The following SDK2 variants were observed in gnomAD, a reference collection of about 807,000 sequenced individuals.
SDK2 encodes the protein protein sidekick-2.
SDK2 carries 105 observed loss-of-function variants against 253.9 expected under a neutral mutation model. The ratio of observed to expected loss-of-function variants is 0.41; its 90% CI spans 0.35 to 0.49. The LOEUF (loss-of-function observed/expected upper bound fraction) is 0.49, where lower values mean the gene tolerates loss of function less well. SDK2 is among the 20% of genes least tolerant of loss of function. SDK2 has a pLI of 0.06. For missense variants in SDK2, 2,608 were observed against 3,003.0 expected (o/e 0.87, Z 3.07); for synonymous variants, 1,249 against 1,234.9 (o/e 1.01, Z -0.24).
intron 1 of SDK2, among the ~76,000 whole-genome samples, chr17:73,543,917 A>G (rs1166325122): frequency 6.6e-6 from 1 of 152,220 alleles, no homozygotes; most frequent in Admixed American, 6.5e-5. Flanking sequence ...TCACTCAGAG[A>G]GAGATGCAAG....
At chr17:73,362,796 T>C (rs1054244413) in intron 38 of SDK2, among the ~76,000 whole-genome samples, 1 of 152,242 alleles carries the variant, frequency 6.6e-6, no homozygotes, top group South Asian at 2.1e-4. Flanking sequence ...TTGCACTCTG[T>C]GCTTCGCGAA....
chr17:73,521,975 AC>A (rs1170386354), intron 1 of SDK2, among the ~76,000 whole-genome samples: 9 of 152,116 alleles, frequency 5.9e-5, no homozygotes, highest in Non-Finnish European at 1.2e-4. Flanking sequence ...TCTTATTTGC[AC>A]CACACAGCAA....
Position 73,439,427 on chromosome 17 carries a change from A to G in SDK2, c.726-1273T>C, listed in dbSNP as rs150522533. 2.4e-3 allele frequency among the ~76,000 whole-genome samples: 366 copies of G among 152,286 alleles called. 12 individuals are homozygous for G. The East Asian group carries it at 0.063, about 26-fold the overall frequency. On this transcript the variant is annotated intron_variant, in intron 6 of 44. Transcript: ENST00000392650. The stretch of plus-strand genomic sequence containing the variant: ...TAGAAATGCTGCCAAAAATAACAAC[A>G]ACAACAAAAAAGGCTGGACACGGTG...
intron 29 of SDK2, 58 bp from the exon 30 acceptor site, chr17:73,388,095 C>T: frequency 8.1e-7 from 1 of 1,233,512 alleles, no homozygotes; most frequent in Non-Finnish European, 1.1e-6. Context: ...GTGGAGGGGG[C>T]TGGACTTTCT....
rs2063385039 is a variant in SDK2, at chr17:73,438,106, C to T, written c.774G>A (p.Leu258=). ...HIIWKKDGVL[L]SGGISDHNRR... ...GGTTGTGGTCACTGATGCCGCCCGA[C>T]AGCAATACCCCGTCCTTCTTCCAAA... Residue 258 remains leucine, a synonymous_variant, in exon 7 of 45, where the codon CTG becomes CTA. Coordinates refer to ENST00000392650, the MANE Select transcript of SDK2 (RefSeq NM_001144952.2). The T allele has an allele frequency of 1.3e-6, 2 of 1,551,580 alleles. No individual in the cohort carries two copies. Among genetic ancestry groups the T allele is most frequent in the East Asian group, 2.4e-5 (1 of 40,938 alleles).
In SDK2 at chr17:73,422,431, G is replaced by T. The variant is rs1358336715; in HGVS notation, c.1901C>A (p.Ala634Asp). 6.2e-7 allele frequency: 1 copy of T among 1,613,494 alleles called. No homozygotes were observed. Among genetic ancestry groups the T allele is most frequent in the African/African-American group, 1.3e-5 (1 of 74,896 alleles). Reference sequence around the variant, plus strand: ...ACTGGCCAGGAGTACAGTCCAGGGGGCATCTGCAGGGACAGTGAGTGGGGC... The same window carrying T: ...ACTGGCCAGGAGTACAGTCCAGGGGTCATCTGCAGGGACAGTGAGTGGGGC... ...RYILEMSENNAPWTVLLASVD... is the reference protein window; with the variant it reads ...RYILEMSENNDPWTVLLASVD... Residue 634 changes from alanine to aspartate, a missense_variant, in exon 15 of 45, where the codon GCC becomes GAC. By Grantham distance (126) the Ala-to-Asp change is moderately radical. Around this residue, in one of 2 missense-constraint regions of SDK2, gnomAD observed 1,505 missense variants for 1,859.1 expected, o/e 0.81. Transcript: ENST00000392650.
At position 73,379,266 on chromosome 17, in the gene SDK2, C is replaced by A; in HGVS notation, c.4891G>T (p.Val1631Phe). ...AVPTAAPRNV[V>F]VHGATATQLD... The stretch of plus-strand genomic sequence containing the variant: ...TGTGTGGCCGTGGCGCCGTGGACGA[C>A]CACGTTACGAGGTGCTGCTGTGGGC... The change falls in exon 36 of 45, where the codon GTC (valine) becomes TTC (phenylalanine). Residue 1631 changes from valine to phenylalanine, a missense_variant. Val to Phe is a conservative substitution (Grantham distance 50, BLOSUM62 -1). Around this residue, in one of 2 missense-constraint regions of SDK2, gnomAD observed 1,103 missense variants for 1,143.9 expected, o/e 0.96. Transcript: ENST00000392650. The surrounding 1 kb of genome is among the most constrained non-coding windows in gnomAD (Gnocchi z 4.5). 6.4e-7 allele frequency: 1 copy of A among 1,555,408 alleles called. No homozygotes were observed. The highest frequency in any genetic ancestry group is 8.7e-7 in the Non-Finnish European group (1 of 1,149,046).
intron 1 of SDK2, among the ~76,000 whole-genome samples, chr17:73,602,984 C>A (rs2045860574): frequency 6.6e-6 from 1 of 152,174 alleles, no homozygotes; most frequent in Non-Finnish European, 1.5e-5. Context: ...CTCAGCCTCC[C>A]AAAGTGTTGG....
At chr17:73,439,865 GGCCA>G (rs2063400395) in intron 6 of SDK2, among the ~76,000 whole-genome samples, 1 of 152,196 alleles carries the variant, frequency 6.6e-6, no homozygotes, top group Non-Finnish European at 1.5e-5. Flanking sequence ...ACGTTGGGCA[GGCCA>G]CTTGCCCTCT....
At chr17:73,355,184 T>TTTTTTTTTTC (rs2062580637) in intron 40 of SDK2, among the ~76,000 whole-genome samples, 3 of 44,774 alleles carry the variant, frequency 6.7e-5, no homozygotes, top group African/African-American at 5.6e-4. Flanking sequence ...ATTTTTTTTT[T>TTTTTTTTTTC]TTTTTTTTTT....
chr17:73,380,973 C>T (rs1449690412), intron 33 of SDK2, 23 bp from the exon 34 acceptor site: 6 of 604,324 alleles, frequency 9.9e-6, no homozygotes, highest in South Asian at 1.6e-5. Context: ...GGTGCCGGGG[C>T]GGGGGCGCAG....
At chr17:73,506,830 C>G (rs1599631892) in intron 2 of SDK2, among the ~76,000 whole-genome samples, 1 of 152,348 alleles carries the variant, frequency 6.6e-6, no homozygotes, top group East Asian at 1.9e-4. Context: ...TGCTGAGACC[C>G]TATTCTCTTT....
At chr17:73,552,842 A>G (rs1357285729) in intron 1 of SDK2, among the ~76,000 whole-genome samples, 2 of 152,020 alleles carry the variant, frequency 1.3e-5, no homozygotes, top group Non-Finnish European at 2.9e-5. Flanking sequence ...TTTACACTGC[A>G]CTCTAAGCCC....
chr17:73,617,249 C>T (rs1418860297), intron 1 of SDK2, among the ~76,000 whole-genome samples: 2 of 130,970 alleles, frequency 1.5e-5, no homozygotes, highest in Non-Finnish European at 1.6e-5. Flanking sequence ...AGGGGAGAGG[C>T]CTCCTGCAGA....
At chr17:73,483,680 TATTTATATATATA>T (rs2063749219) in intron 2 of SDK2, among the ~76,000 whole-genome samples, 1 of 63,440 alleles carries the variant, frequency 1.6e-5, no homozygotes, top group South Asian at 4.7e-4. Context: ...TATATATATA[TATTTATATATATA>T]TATATATATA....
At chr17:73,571,147 T>C (rs1030068723) in intron 1 of SDK2, among the ~76,000 whole-genome samples, 26 of 151,748 alleles carry the variant, frequency 1.7e-4, no homozygotes, top group Admixed American at 1.6e-3. Context: ...CGGCTCACTG[T>C]AATCTCCGCC....
In SDK2 at chr17:73,616,322, C is replaced by G. The variant is rs2046056545; in HGVS notation, c.64+27703G>C. On this transcript the variant is annotated intron_variant, in intron 1 of 44. Coordinates refer to ENST00000392650, the MANE Select transcript of SDK2 (RefSeq NM_001144952.2). This position sits in a 1 kb window ranked among gnomAD's most constrained non-coding sequence, Gnocchi z 5.2. ...AGACAAATTTCCACCCCCGGCTCCC[C>G]ACCTCAACAGTCTCCCCAGCCCCAG... Among the ~76,000 whole-genome samples the G allele has an allele frequency of 6.6e-6, 1 of 152,096 alleles. No individual in the cohort carries two copies.
intron 1 of SDK2, among the ~76,000 whole-genome samples, chr17:73,605,609 C>T (rs561135125): frequency 5.4e-4 from 82 of 152,214 alleles, no homozygotes; most frequent in Non-Finnish European, 8.7e-4. Flanking sequence ...CCCAGCATCA[C>T]CTCCTCCAGG....
Position 73,643,486 on chromosome 17 carries a change from G to C in SDK2, c.64+539C>G, listed in dbSNP as rs2046423979. On this transcript the variant is annotated intron_variant, in intron 1 of 44. Coordinates refer to ENST00000392650, the MANE Select transcript of SDK2 (RefSeq NM_001144952.2). This position sits in a 1 kb window ranked among gnomAD's most constrained non-coding sequence, Gnocchi z 6.9. ...CCCCAGCGGCTGGCCGAGCAGCCAG[G>C]GGCGGGCTCCCGTACGTGGCCAAGC... Among the ~76,000 whole-genome samples the C allele has an allele frequency of 6.6e-6, 1 of 152,124 alleles. No homozygotes were observed. The highest frequency in any genetic ancestry group is 1.5e-5 in the Non-Finnish European group (1 of 68,010).
Sources: allele counts gnomAD v4.1 joint callset (sites outside exome capture counted in the v4.1 genomes callset), GRCh38; gene constraint gnomAD v4.1.1; regional missense constraint gnomAD v4.1.1; non-coding constraint Gnocchi (gnomAD v3.1); transcripts MANE v1.5; gene names NCBI Gene and HGNC (gene_info 2026-07-23, HGNC 2026-07-21).